Variants in C6orf62 observed in about 807,000 individuals in gnomAD.
C6orf62 encodes the protein uncharacterized protein C6orf62.
C6orf62 carries 16 observed loss-of-function variants against 26.8 expected under a neutral mutation model. That is an observed-to-expected ratio of 0.60 (90% CI 0.40 to 0.91). The LOEUF (loss-of-function observed/expected upper bound fraction) is 0.91. C6orf62 is among the 40% of genes least tolerant of loss of function. C6orf62 has a pLI of 0.00. For missense variants in C6orf62, 192 were observed against 271.4 expected (o/e 0.71, Z 2.06); for synonymous variants, 112 against 91.5 (o/e 1.22, Z -1.28).
Position 24,716,328 on chromosome 6 carries a change from G to T in C6orf62, c.130-4C>A. On this transcript the variant is annotated splice_region_variant and splice_polypyrimidine_tract_variant and intron_variant, in intron 1 of 4. Coordinates refer to ENST00000378119, the MANE Select transcript of C6orf62 (RefSeq NM_030939.5). ...CAAAAAGTGCTGACTTTTTCTTCTA[G>T]AAGAAAAGAAAATGGTGTATTAACC... The T allele has an allele frequency of 3.1e-6, 5 of 1,611,102 alleles. No individual in the cohort carries two copies. Among genetic ancestry groups the T allele is most frequent in the Non-Finnish European group, 4.2e-6 (5 of 1,177,722 alleles).
At chr6:24,710,508 T>C (rs1562168891) in intron 3 of C6orf62, 1 of 799,548 alleles carries the variant, frequency 1.3e-6, no homozygotes, top group Non-Finnish European at 1.5e-6. Flanking sequence ...AGGTGATCCA[T>C]CTGGCTTAGC....
In C6orf62 at chr6:24,705,972, G is replaced by T; in HGVS notation, c.*165C>A. On this transcript the variant is annotated 3_prime_UTR_variant, in exon 5 of 5. Transcript: ENST00000378119. The stretch of plus-strand genomic sequence containing the variant: ...CATCTAATTTTTGTTTAAGTTCTGA[G>T]ATAAAAATGATTTAAAAAAATCCAG... The T allele has an allele frequency of 9.4e-7, 1 of 1,066,866 alleles. No homozygotes were observed. 66.1% of individuals were successfully genotyped at this position (1,066,866 alleles called of 1,614,324 possible).
intron 2 of C6orf62, 97 bp from the exon 3 acceptor site, chr6:24,714,537 T>A: frequency 1.2e-6 from 1 of 852,862 alleles, no homozygotes; most frequent in Non-Finnish European, 1.8e-6. Flanking sequence ...AAACATTTTA[T>A]AAGTACAAAA....
chr6:24,720,093 GGATT>G, upstream of C6orf62: 2 of 1,332,950 alleles, frequency 1.5e-6, no homozygotes, highest in South Asian at 3.0e-5. Flanking sequence ...TCCAGAGTTT[GGATT>G]GTTTAGGGTG....
At chr6:24,720,142 GA>G, upstream of C6orf62, 1 of 1,348,786 alleles carries the variant, frequency 7.4e-7, no homozygotes, top group Non-Finnish European at 9.5e-7. Context: ...GCAGGGGGTG[GA>G]ATTGAGGCAG....
At chr6:24,717,117 A>G (rs1027967567) in intron 1 of C6orf62, among the ~76,000 whole-genome samples, 1 of 152,212 alleles carries the variant, frequency 6.6e-6, no homozygotes, top group East Asian at 1.9e-4. Context: ...CTACTTTTTA[A>G]AATTCTGTAC....
upstream of C6orf62, chr6:24,720,025 TC>T (rs1779323266): frequency 3.3e-6 from 2 of 603,440 alleles, no homozygotes; most frequent in African/African-American, 7.6e-5. Context: ...CCACCCACCC[TC>T]CCCCCAAAAA....
intron 2 of C6orf62, 26 bp from the exon 3 acceptor site, chr6:24,714,466 GTTTACT>G (rs755074914): frequency 4.8e-5 from 64 of 1,338,524 alleles, no homozygotes; most frequent in Non-Finnish European, 5.9e-5. Context: ...AAAAAAAAAA[GTTTACT>G]TTTAAAGAAA....
intron 4 of C6orf62, among the ~76,000 whole-genome samples, chr6:24,708,379 C>T (rs963381855): frequency 6.6e-6 from 1 of 152,000 alleles, no homozygotes; most frequent in Non-Finnish European, 1.5e-5. Context: ...GACAGGGTCT[C>T]GTTCTGTCAT....
chr6:24,716,374 A>G lies in C6orf62; in HGVS notation c.130-50T>C, dbSNP rs374344388. 16 of 1,331,318 alleles carry G rather than the reference A, an allele frequency of 1.2e-5. No homozygotes were observed. The African/African-American group carries it at 1.6e-4, about 13-fold the overall frequency. The allele number at this position is 1,331,318 out of a possible 1,614,324, so 82.5% of individuals were successfully genotyped here. On this transcript the variant is annotated intron_variant, in intron 1 of 4. Transcript: ENST00000378119. The stretch of plus-strand genomic sequence containing the variant: ...TAACCCACAGGGAGCACAGCCTTTT[A>G]ACACTCAGTTCATATTACAATGTCA...
intron 1 of C6orf62, among the ~76,000 whole-genome samples, chr6:24,718,139 G>A (rs1292768070): frequency 2.0e-5 from 3 of 152,158 alleles, no homozygotes; most frequent in South Asian, 2.1e-4. Flanking sequence ...TAAGAAACAG[G>A]ATAAACTTTA....
At chr6:24,712,171 G>A (rs971984992) in intron 3 of C6orf62, among the ~76,000 whole-genome samples, 1 of 152,034 alleles carries the variant, frequency 6.6e-6, no homozygotes, top group African/African-American at 2.4e-5. Flanking sequence ...GATCACTTGA[G>A]GTCAAGGACA....
At chr6:24,719,308 T>A (rs1023475259), upstream of C6orf62, 3 of 991,416 alleles carry the variant, frequency 3.0e-6, no homozygotes, top group Admixed American at 1.8e-4. Context: ...ATTTCACTAT[T>A]GCTATGTATT....
chr6:24,710,036 A>C (rs950405751), intron 3 of C6orf62: 9 of 982,806 alleles, frequency 9.2e-6, no homozygotes, highest in South Asian at 4.7e-5. Context: ...ACAATATACC[A>C]TATGTAAAAT....
intron 3 of C6orf62, chr6:24,709,920 A>G: frequency 1.0e-6 from 1 of 985,472 alleles, no homozygotes; most frequent in South Asian, 4.7e-5. Context: ...CGTTACGTCA[A>G]AAACAGTAGG....
chr6:24,720,249 C>T, upstream of C6orf62: 1 of 1,296,168 alleles, frequency 7.7e-7, no homozygotes, highest in Non-Finnish European at 9.7e-7. Flanking sequence ...GCCCTCTAGC[C>T]GCAGCCTGCG....
Position 24,709,038 on chromosome 6 carries a change from C to T in C6orf62, c.430-127G>A, listed in dbSNP as rs776197151. ...CGTTATCTTTTCCTCTTTAAAAAAACAAATTTTGGCAAACCCACAGCCAAT... is the reference window on the plus strand; with the variant it reads ...CGTTATCTTTTCCTCTTTAAAAAAATAAATTTTGGCAAACCCACAGCCAAT... On this transcript the variant is annotated intron_variant, in intron 3 of 4. Transcript: ENST00000378119. The T allele has an allele frequency of 3.8e-5, 55 of 1,461,260 alleles. No homozygotes were observed. The African/African-American group carries it at 6.9e-4, about 18-fold the overall frequency. 90.5% of individuals were successfully genotyped at this position (1,461,260 alleles called of 1,614,324 possible).
At chr6:24,720,438 A>G, upstream of C6orf62, 2 of 1,105,582 alleles carry the variant, frequency 1.8e-6, no homozygotes, top group Non-Finnish European at 2.2e-6. Flanking sequence ...CCTGGGACCC[A>G]TAGTCTGGCT....
At position 24,718,850 on chromosome 6, in the gene C6orf62, T is replaced by C. The variant is rs957951182; in HGVS notation, c.-182A>G. On this transcript the variant is annotated 5_prime_UTR_variant, in exon 1 of 5. Transcript: ENST00000378119. ...TGTCAATATTAGCAGACTGTCATATTACAGGGTCAAGAAACAAAAGCTGCT... is the reference window on the plus strand; with the variant it reads ...TGTCAATATTAGCAGACTGTCATATCACAGGGTCAAGAAACAAAAGCTGCT... 59 of 1,440,382 alleles carry C rather than the reference T, an allele frequency of 4.1e-5. No individual in the cohort carries two copies. The African/African-American group carries it at 6.6e-4, about 16-fold the overall frequency. 89.2% of individuals were successfully genotyped at this position (1,440,382 alleles called of 1,614,324 possible). A position where few individuals can be genotyped will look rare whatever the true frequency, so the allele number is the denominator to read the frequency against.
Sources: gnomAD v4.1 joint callset for allele counts (sites outside exome capture counted in the v4.1 genomes callset) on GRCh38, gnomAD v4.1.1 for gene constraint, MANE v1.5 for transcripts, NCBI Gene and HGNC (gene_info 2026-07-23, HGNC 2026-07-21) for gene names.